The following UGT8 variants were observed in gnomAD, a reference collection of about 807,000 sequenced individuals.
UGT8 encodes UDP glycosyltransferase 8.
A neutral mutation model predicts 40.5 loss-of-function variants in UGT8; 12 were observed. The ratio of observed to expected loss-of-function variants is 0.30; its 90% CI spans 0.19 to 0.48. UGT8 has a LOEUF of 0.48. Ranked by LOEUF, UGT8 falls within the 20% of genes least tolerant of loss-of-function variation. The pLI is 0.99. For missense variants in UGT8, 513 were observed against 648.7 expected (o/e 0.79, Z 2.27); for synonymous variants, 224 against 240.4 (o/e 0.93, Z 0.63).
intron 5 of UGT8, among the ~76,000 whole-genome samples, chr4:114,672,204 G>A (rs567440017): frequency 2.2e-4 from 34 of 152,250 alleles, no homozygotes; most frequent in African/African-American, 7.7e-4. Context: ...AAATAGGAAC[G>A]CTTTATGCTG....
At chr4:114,654,792 C>T (rs532730487) in intron 2 of UGT8, among the ~76,000 whole-genome samples, 2 of 152,174 alleles carry the variant, frequency 1.3e-5, no homozygotes, top group Admixed American at 6.6e-5. Flanking sequence ...AATCAGTTGA[C>T]CAGAGAAGTC....
chr4:114,639,089 C>T (rs567239166), intron 2 of UGT8, among the ~76,000 whole-genome samples: 16 of 152,176 alleles, frequency 1.1e-4, no homozygotes, highest in Non-Finnish European at 2.4e-4. Context: ...TGCCGTAAAC[C>T]TTAAAGCCCT....
chr4:114,665,792 T>G lies in UGT8; in HGVS notation c.1042+36T>G, dbSNP rs754013877. The G allele has an allele frequency of 1.9e-6, 3 of 1,551,670 alleles. No homozygotes were observed. The South Asian group carries it at 3.6e-5, about 19-fold the overall frequency. On this transcript the variant is annotated intron_variant, in intron 4 of 5. Coordinates refer to ENST00000310836, the MANE Select transcript of UGT8 (RefSeq NM_001128174.3). The stretch of plus-strand genomic sequence containing the variant: ...GATGTGTGGTTACTTACTTGGCTGT[T>G]AGGTTTTAATTACATAAATGTGACT...
At chr4:114,625,248 C>T (rs1732126648) in intron 2 of UGT8, among the ~76,000 whole-genome samples, 1 of 152,042 alleles carries the variant, frequency 6.6e-6, no homozygotes, top group South Asian at 2.1e-4. Context: ...CGCGGTGTCC[C>T]ATGCCTGTAA....
chr4:114,674,852 A>G (rs573006195), intron 5 of UGT8, among the ~76,000 whole-genome samples: 7 of 152,348 alleles, frequency 4.6e-5, no homozygotes, highest in Non-Finnish European at 7.3e-5. Flanking sequence ...TCTAAACAAT[A>G]CAAACTTCAG....
At position 114,623,039 on chromosome 4, in the gene UGT8, G is replaced by A; in HGVS notation, c.159G>A (p.Val53=). The change falls in exon 2 of 6, where the codon GTG becomes GTA. Residue 53 remains valine (V), a synonymous_variant. Coordinates refer to ENST00000310836, the MANE Select transcript of UGT8 (RefSeq NM_001128174.3). Reference sequence around the variant, plus strand: ...TGCACGAGAGAGGCCACCATACAGTGTTCCTCCTCTCTGAAGGCAGAGACA... The same window carrying A: ...TGCACGAGAGAGGCCACCATACAGTATTCCTCCTCTCTGAAGGCAGAGACA... ...SALHERGHHT[V]FLLSEGRDIA... 6.2e-7 allele frequency: 1 copy of A among 1,614,104 alleles called. No homozygotes were observed.
chr4:114,601,354 C>A (rs1199476435), intron 1 of UGT8, among the ~76,000 whole-genome samples: 2 of 152,116 alleles, frequency 1.3e-5, no homozygotes, highest in Non-Finnish European at 2.9e-5. Flanking sequence ...TCCTCAAATC[C>A]TTTTTAAAAT....
rs768571999 is a variant in UGT8 at position 114,668,311 on chromosome 4, T to C, written c.1262+7T>C. On this transcript the variant is annotated splice_region_variant and intron_variant, in intron 5 of 5. Coordinates refer to ENST00000310836, the MANE Select transcript of UGT8 (RefSeq NM_001128174.3). ...AGGTTATCAATAATCCCAGGTAAGGTTTCAATTAACATTAAAGCTGATGAA... is the reference window on the plus strand; with the variant it reads ...AGGTTATCAATAATCCCAGGTAAGGCTTCAATTAACATTAAAGCTGATGAA... 28 of 1,612,306 alleles carry C rather than the reference T, an allele frequency of 1.7e-5. No homozygotes were observed. The Admixed American group carries it at 4.7e-4, about 27-fold the overall frequency.
At chr4:114,606,287 C>T (rs1240866168) in intron 1 of UGT8, among the ~76,000 whole-genome samples, 2 of 152,110 alleles carry the variant, frequency 1.3e-5, no homozygotes, top group Non-Finnish European at 2.9e-5. Flanking sequence ...TTACTAGCAA[C>T]GGAATGAGTG....
chr4:114,639,494 A>G (rs1230927549), intron 2 of UGT8, among the ~76,000 whole-genome samples: 2 of 152,192 alleles, frequency 1.3e-5, no homozygotes, highest in Non-Finnish European at 2.9e-5. Context: ...TTAATTTGTA[A>G]TGAAGAATCT....
chr4:114,636,959 G>C (rs969102703), intron 2 of UGT8, among the ~76,000 whole-genome samples: 1 of 152,168 alleles, frequency 6.6e-6, no homozygotes, highest in African/African-American at 2.4e-5. Context: ...AACACTATGT[G>C]TTAATGGCTG....
chr4:114,621,847 A>C (rs1731811352), intron 1 of UGT8, among the ~76,000 whole-genome samples: 1 of 152,220 alleles, frequency 6.6e-6, no homozygotes, highest in African/African-American at 2.4e-5. Context: ...TCTATACTTA[A>C]ACATAATTGA....
chr4:114,653,424 G>A (rs1212869530), intron 2 of UGT8, among the ~76,000 whole-genome samples: 5 of 151,906 alleles, frequency 3.3e-5, no homozygotes, highest in Non-Finnish European at 7.4e-5. Flanking sequence ...GATTTACCCT[G>A]GAAATTATGT....
At chr4:114,611,457 C>CACACAG (rs1553931536) in intron 1 of UGT8, among the ~76,000 whole-genome samples, 2 of 118,550 alleles carry the variant, frequency 1.7e-5, no homozygotes, top group Non-Finnish European at 1.7e-5. Context: ...CACACACACA[C>CACACAG]AGAGATATTA....
intron 1 of UGT8, among the ~76,000 whole-genome samples, chr4:114,600,257 GA>G (rs1730362355): frequency 1.3e-5 from 2 of 151,656 alleles, no homozygotes; most frequent in African/African-American, 4.8e-5. Flanking sequence ...GTAAAAATTA[GA>G]AAAAAACCAC....
intron 1 of UGT8, among the ~76,000 whole-genome samples, chr4:114,606,130 C>T (rs35571359): frequency 0.11 from 16,138 of 152,062 alleles, 1,248 homozygotes; most frequent in Non-Finnish European, 0.14. Flanking sequence ...ACTTCTGTAA[C>T]ACATCTTGAA....
At chr4:114,612,220 A>C (rs781062200) in intron 1 of UGT8, among the ~76,000 whole-genome samples, 2 of 152,030 alleles carry the variant, frequency 1.3e-5, no homozygotes, top group Non-Finnish European at 2.9e-5. Context: ...CAGTTTATTA[A>C]AAAAAAACAG....
At chr4:114,665,531 T>G (rs1260496058) in intron 3 of UGT8, 149 bp from the exon 4 acceptor site, 8 of 1,309,288 alleles carry the variant, frequency 6.1e-6, no homozygotes, top group Non-Finnish European at 7.9e-6. Context: ...TAATCAAATA[T>G]TTGCTGTTAC....
At chr4:114,645,007 A>G (rs959007594) in intron 2 of UGT8, among the ~76,000 whole-genome samples, 1 of 147,044 alleles carries the variant, frequency 6.8e-6, no homozygotes, top group Non-Finnish European at 1.5e-5. Context: ...TTCTTCTACT[A>G]TAATTAATTA....
Sources: allele counts gnomAD v4.1 joint callset (sites outside exome capture counted in the v4.1 genomes callset), GRCh38; gene constraint gnomAD v4.1.1; transcripts MANE v1.5; gene names NCBI Gene and HGNC (gene_info 2026-07-23, HGNC 2026-07-21).